Variants in ANO3 observed in about 807,000 individuals in gnomAD.
ANO3 encodes the protein anoctamin-3.
In ANO3, 99 loss-of-function variants were observed where a neutral mutation model predicts 144.8. The ratio of observed to expected loss-of-function variants is 0.68; its 90% confidence interval spans 0.58 to 0.81. ANO3 has a LOEUF of 0.81. Ranked by LOEUF, ANO3 falls within the 30% of genes least tolerant of loss-of-function variation. The pLI, the probability that ANO3 is intolerant of heterozygous loss-of-function variation, is 0.00. For synonymous variants in ANO3, 414 were observed against 392.6 expected (o/e 1.05, Z -0.64); for missense variants, 905 against 1,202.2 (o/e 0.75, Z 3.66).
chr11:26,537,282 T>C, intron 9 of ANO3, 124 bp from the exon 10 acceptor site: 1 of 747,212 alleles, frequency 1.3e-6, no homozygotes, highest in Non-Finnish European at 2.4e-6. Flanking sequence ...GATGTGGCTA[T>C]GGAAGTCATT....
At chr11:26,656,071 T>C (rs1853678748) in intron 24 of ANO3, 54 bp from the exon 25 acceptor site, 2 of 1,334,992 alleles carry the variant, frequency 1.5e-6, no homozygotes, top group East Asian at 2.3e-5. Context: ...ATAAAATAAT[T>C]AGGCTAGAAA....
intron 1 of ANO3, among the ~76,000 whole-genome samples, chr11:26,224,015 T>C (rs1282472915): frequency 1.3e-5 from 2 of 152,162 alleles, no homozygotes; most frequent in African/African-American, 4.8e-5. Context: ...TATATCACCG[T>C]TGGAAAAGGT....
At position 26,633,923 on chromosome 11, in the gene ANO3, A is replaced by G. The variant is rs565250227; in HGVS notation, c.1874-281A>G. Among the ~76,000 whole-genome samples the G allele has an allele frequency of 2.0e-5, 3 of 152,014 alleles. No homozygotes were observed. In the East Asian group the frequency reaches 5.8e-4, roughly 29 times the overall value. Reference sequence around the variant, plus strand: ...AAACCCCCACTTCTACTAAAAATACAAAAAATTAGCCAGGCATGGTGGCGG... The same window carrying G: ...AAACCCCCACTTCTACTAAAAATACGAAAAATTAGCCAGGCATGGTGGCGG... On this transcript the variant is annotated intron_variant, in intron 18 of 26. Transcript: ENST00000256737.
intron 12 of ANO3, among the ~76,000 whole-genome samples, chr11:26,548,189 A>AG (rs34690957): frequency 0.71 from 107,785 of 151,516 alleles, 38,639 homozygotes; most frequent in East Asian, 0.84. Flanking sequence ...TAAGATATGG[A>AG]ATGGTAGTGA....
rs1554925178 is a variant in ANO3, at chr11:26,223,617, A to AC, written c.154+34287_154+34288insC. Among the ~76,000 whole-genome samples, 401 of 150,192 alleles carry AC rather than the reference A, an allele frequency of 2.7e-3. 1 individual carries two copies. The highest frequency in any genetic ancestry group is 0.01 in the Middle Eastern group (3 of 292). ...AGCTTTTTAATAAAAAAAAAAAAAA[A>AC]AAAAACCCTGAGATTGGGTAATTTA... On this transcript the variant is annotated intron_variant, in intron 1 of 27. Transcript: ENST00000672621.
intron 1 of ANO3, among the ~76,000 whole-genome samples, chr11:26,225,658 T>G (rs1852242954): frequency 6.6e-6 from 1 of 152,194 alleles, no homozygotes; most frequent in African/African-American, 2.4e-5. Flanking sequence ...TAACATATAA[T>G]TTTTAGGATT....
At chr11:26,240,415 T>C (rs2133810469) in intron 1 of ANO3, among the ~76,000 whole-genome samples, 1 of 152,300 alleles carries the variant, frequency 6.6e-6, no homozygotes, top group Non-Finnish European at 1.5e-5. Flanking sequence ...TGGTAAGTCC[T>C]ATTATACAAA....
intron 1 of ANO3, among the ~76,000 whole-genome samples, chr11:26,410,945 A>G (rs1857414029): frequency 6.6e-6 from 1 of 151,978 alleles, no homozygotes; most frequent in Non-Finnish European, 1.5e-5. Context: ...CTTTGTCTTT[A>G]TGCCCTGGGC....
intron 17 of ANO3, among the ~76,000 whole-genome samples, chr11:26,618,526 T>A (rs952979025): frequency 6.6e-6 from 1 of 152,216 alleles, no homozygotes; most frequent in African/African-American, 2.4e-5. Flanking sequence ...AGGATCTTTT[T>A]AAATAGTAAA....
chr11:26,418,713 C>T (rs1857664290), intron 1 of ANO3, among the ~76,000 whole-genome samples: 1 of 151,496 alleles, frequency 6.6e-6, no homozygotes, highest in Non-Finnish European at 1.5e-5. Context: ...AGCGCGCGCG[C>T]GCACACACAC....
chr11:26,501,710 TG>T (rs1861201890), intron 4 of ANO3, among the ~76,000 whole-genome samples: 1 of 152,192 alleles, frequency 6.6e-6, no homozygotes, highest in East Asian at 1.9e-4. Flanking sequence ...GGCAGAACTA[TG>T]ACCTCTTCTG....
Position 26,624,584 on chromosome 11 carries a change from T to C in ANO3, c.1873+86T>C, listed in dbSNP as rs958205974. 10 of 927,552 alleles carry C rather than the reference T, an allele frequency of 1.1e-5. No individual in the cohort carries two copies. In the African/African-American group the frequency reaches 1.5e-4, roughly 14 times the overall value. 57.5% of individuals were successfully genotyped at this position (927,552 alleles called of 1,614,324 possible). On this transcript the variant is annotated intron_variant, in intron 18 of 26. Transcript: ENST00000256737. ...TGTAGTTACTTTATATAATGTAGCA[T>C]TTTAATAACTGCAATTATTTAAGTA... is the stretch of plus-strand genomic sequence containing the variant.
chr11:26,313,647 A>G (rs1472184272), intron 1 of ANO3, among the ~76,000 whole-genome samples: 1 of 152,002 alleles, frequency 6.6e-6, no homozygotes, highest in Admixed American at 6.6e-5. Context: ...AGATCATGCC[A>G]TTGCACTCCA....
At chr11:26,404,694 G>C (rs571671246) in intron 1 of ANO3, among the ~76,000 whole-genome samples, 1 of 151,596 alleles carries the variant, frequency 6.6e-6, no homozygotes, top group African/African-American at 2.4e-5. Flanking sequence ...CGAAGGGAGG[G>C]TCACTTAAGA....
chr11:26,449,365 C>A (rs1202851759), intron 3 of ANO3, among the ~76,000 whole-genome samples: 1 of 152,098 alleles, frequency 6.6e-6, no homozygotes, highest in Non-Finnish European at 1.5e-5. Flanking sequence ...CCTTTAGCAC[C>A]AGAATCAGGA....
At chr11:26,618,076 T>A (rs1280690000) in intron 17 of ANO3, among the ~76,000 whole-genome samples, 1 of 152,192 alleles carries the variant, frequency 6.6e-6, no homozygotes, top group Non-Finnish European at 1.5e-5. Flanking sequence ...GTTAATAGAT[T>A]GACTGCAGGA....
At chr11:26,657,830 T>C (rs1168887189) in intron 26 of ANO3, among the ~76,000 whole-genome samples, 1 of 152,184 alleles carries the variant, frequency 6.6e-6, no homozygotes, top group Non-Finnish European at 1.5e-5. Context: ...AGAACATTTT[T>C]TCTGTCTTCC....
intron 23 of ANO3, among the ~76,000 whole-genome samples, chr11:26,644,348 A>AT (rs1004058685): frequency 6.6e-6 from 1 of 152,134 alleles, no homozygotes; most frequent in African/African-American, 2.4e-5. Context: ...TGTATATGAC[A>AT]TTTTTTAAAA....
intron 17 of ANO3, among the ~76,000 whole-genome samples, chr11:26,614,254 T>C (rs761884074): frequency 1.1e-4 from 17 of 152,174 alleles, no homozygotes; most frequent in Non-Finnish European, 1.9e-4. Context: ...GCAGTGTAGG[T>C]GCACATGGAT....
Sources: allele counts gnomAD v4.1 joint callset (sites outside exome capture counted in the v4.1 genomes callset), GRCh38; gene constraint gnomAD v4.1.1; transcripts MANE v1.5; gene names NCBI Gene and HGNC (gene_info 2026-07-23, HGNC 2026-07-21).